The following HSD17B11 variants were observed in gnomAD, a reference collection of about 807,000 sequenced individuals.
HSD17B11 encodes the protein estradiol 17-beta-dehydrogenase 11.
A neutral mutation model predicts 27.8 loss-of-function variants in HSD17B11; 22 were observed. The observed-to-expected ratio is 0.79, with a 90% CI of 0.56 to 1.13. The LOEUF is 1.13. HSD17B11 is among the 50% of genes most tolerant of loss of function. The pLI is 0.00. For missense variants in HSD17B11, 314 were observed against 351.1 expected, an observed-to-expected ratio of 0.89 and a Z score of 0.84; for synonymous variants, 117 against 132.8, an observed-to-expected ratio of 0.88 and a Z score of 0.82.
At chr4:87,339,176 A>G (rs1735117353) in intron 6 of HSD17B11, among the ~76,000 whole-genome samples, 1 of 152,214 alleles carries the variant, frequency 6.6e-6, no homozygotes, top group Admixed American at 6.5e-5. Context: ...AGGGGCTGCG[A>G]TCACTGAGTG....
chr4:87,383,478 A>G lies in HSD17B11; in HGVS notation c.211-1116T>C, dbSNP rs114135223. ...GAGGAAAGAATATCCTTTAAAATAT[A>G]TGTTTAGAAGGTAAAATCAGTAAGA... is the stretch of plus-strand genomic sequence containing the variant. On this transcript the variant is annotated intron_variant, in intron 1 of 6. Coordinates refer to ENST00000358290, the MANE Select transcript of HSD17B11 (RefSeq NM_016245.5). Among the ~76,000 whole-genome samples, 1,020 of 152,268 alleles carry G rather than the reference A, an allele frequency of 6.7e-3. 13 individuals are homozygous for G. The highest frequency in any genetic ancestry group is 0.024 in the African/African-American group (996 of 41,536).
chr4:87,376,759 G>T (rs1472966308), intron 2 of HSD17B11, among the ~76,000 whole-genome samples: 2 of 152,140 alleles, frequency 1.3e-5, no homozygotes, highest in African/African-American at 2.4e-5. Context: ...TTGGTGAAAT[G>T]ATTTCAGTTG....
intron 4 of HSD17B11, among the ~76,000 whole-genome samples, chr4:87,370,287 G>A (rs11737402): frequency 0.16 from 24,091 of 152,136 alleles, 2,059 homozygotes; most frequent in Admixed American, 0.19. Context: ...AACAGGAAGT[G>A]GAATTGAAAT....
chr4:87,380,726 C>G (rs1480508976), intron 2 of HSD17B11, among the ~76,000 whole-genome samples: 1 of 151,348 alleles, frequency 6.6e-6, no homozygotes, highest in African/African-American at 2.4e-5. Context: ...AGCGTGGTGA[C>G]GGGCGCCTGT....
chr4:87,356,027 T>C lies in HSD17B11; in HGVS notation c.695+1252A>G, dbSNP rs555449037. 1.2e-4 allele frequency among the ~76,000 whole-genome samples: 18 copies of C among 152,308 alleles called. No individual in the cohort carries two copies. In the South Asian group the frequency reaches 3.3e-3, roughly 28 times the overall value. On this transcript the variant is annotated intron_variant, in intron 5 of 6. Coordinates refer to ENST00000358290, the MANE Select transcript of HSD17B11 (RefSeq NM_016245.5). The stretch of plus-strand genomic sequence containing the variant: ...GGAAGTGCAATGTCCAAAAATCATA[T>C]GCGAACATGAATGTAGCTAGTCATC...
chr4:87,372,719 G>A lies in HSD17B11; in HGVS notation c.547C>T (p.Leu183=). Reference sequence around the variant, plus strand: ...CACATGTTCACATACCAGTAAGCCAGTAAGAAGGGGACCGAGACATGTCCA... The same window carrying A: ...CACATGTTCACATACCAGTAAGCCAATAAGAAGGGGACCGAGACATGTCCA... The part of the protein sequence containing the change: ...AAGHVSVPFL[L]AYCSSKFAAV... The change falls in exon 4 of 7, where the codon CTG becomes TTG. Residue 183 remains leucine, a synonymous_variant. Transcript: ENST00000358290. 1 of 1,605,154 alleles carries A rather than the reference G, an allele frequency of 6.2e-7. No homozygotes were observed. Among genetic ancestry groups the A allele is most frequent in the East Asian group, 2.2e-5 (1 of 44,862 alleles).
At chr4:87,355,261 TTAAC>T (rs1293412360) in intron 5 of HSD17B11, among the ~76,000 whole-genome samples, 1 of 152,150 alleles carries the variant, frequency 6.6e-6, no homozygotes, top group Non-Finnish European at 1.5e-5. Flanking sequence ...AGAAAACTCA[TTAAC>T]TATTTGGAAA....
At chr4:87,361,204 C>T (rs1289381921) in intron 4 of HSD17B11, among the ~76,000 whole-genome samples, 1 of 152,058 alleles carries the variant, frequency 6.6e-6, no homozygotes, top group African/African-American at 2.4e-5. Context: ...ATAAAGGAGC[C>T]ACCAAAACCA....
At chr4:87,363,792 A>T (rs1735567247) in intron 4 of HSD17B11, among the ~76,000 whole-genome samples, 1 of 152,228 alleles carries the variant, frequency 6.6e-6, no homozygotes, top group Admixed American at 6.5e-5. Context: ...TCACAGTGGC[A>T]GTCTAGGTTC....
chr4:87,382,406 C>A, intron 1 of HSD17B11, 44 bp from the exon 2 acceptor site: 1 of 1,101,702 alleles, frequency 9.1e-7, no homozygotes, highest in Non-Finnish European at 1.4e-6. Flanking sequence ...TTGATATGAA[C>A]ATATTATATC....
intron 5 of HSD17B11, among the ~76,000 whole-genome samples, chr4:87,355,228 A>C (rs1560760435): frequency 6.6e-6 from 1 of 152,188 alleles, no homozygotes; most frequent in Admixed American, 6.5e-5. Flanking sequence ...GAGGAAAATG[A>C]TGTATTATTT....
chr4:87,384,645 C>A (rs531581702), intron 1 of HSD17B11, among the ~76,000 whole-genome samples: 2 of 152,034 alleles, frequency 1.3e-5, no homozygotes, highest in Non-Finnish European at 2.9e-5. Flanking sequence ...GACTGAGATA[C>A]GCCCTGGTCT....
At chr4:87,354,390 T>A (rs999575591) in intron 5 of HSD17B11, among the ~76,000 whole-genome samples, 2 of 151,864 alleles carry the variant, frequency 1.3e-5, no homozygotes, top group Admixed American at 1.3e-4. Context: ...GAGGCTGAAG[T>A]TGGGAGAATG....
In HSD17B11 at chr4:87,378,944, ATATTTATATATATATATTTTT is replaced by A. The variant is rs1560769640; in HGVS notation, c.318+3290_318+3310del. Among the ~76,000 whole-genome samples the A allele has an allele frequency of 6.2e-4, 12 of 19,380 alleles. 1 individual carries two copies. Among genetic ancestry groups the A allele is most frequent in the African/African-American group, 1.9e-3 (7 of 3,674 alleles). 12.7% of individuals were successfully genotyped at this position (19,380 alleles called of 152,430 possible). A position where few individuals can be genotyped will look rare whatever the true frequency, so the allele number is the denominator to read the frequency against. On this transcript the variant is annotated intron_variant, in intron 2 of 6. Transcript: ENST00000358290. ...AATATATATAAATATATATATATAT[ATATTTATATATATATATTTTT>A]TTTTTTTTTTGAGATGGTGTCTTGC...
chr4:87,384,719 A>G (rs1274127174), intron 1 of HSD17B11, among the ~76,000 whole-genome samples: 1 of 151,892 alleles, frequency 6.6e-6, no homozygotes, highest in Non-Finnish European at 1.5e-5. Context: ...CTGTGGTCAG[A>G]CCGGTTCTCT....
chr4:87,377,619 C>T (rs1735858385), intron 2 of HSD17B11, among the ~76,000 whole-genome samples: 1 of 152,052 alleles, frequency 6.6e-6, no homozygotes, highest in South Asian at 2.1e-4. Context: ...GATTGGAGTA[C>T]CATAATTCCA....
At chr4:87,389,807 G>T (rs1036087550) in intron 1 of HSD17B11, among the ~76,000 whole-genome samples, 14 of 152,070 alleles carry the variant, frequency 9.2e-5, no homozygotes, top group African/African-American at 3.4e-4. Flanking sequence ...CAAATAAAAG[G>T]TTGGATTCTA....
At chr4:87,372,174 C>T (rs1410345451) in intron 4 of HSD17B11, among the ~76,000 whole-genome samples, 5 of 144,916 alleles carry the variant, frequency 3.5e-5, no homozygotes, top group Non-Finnish European at 7.5e-5. Flanking sequence ...ACCCAGGAGG[C>T]GGAGCTTGCA....
chr4:87,358,153 G>A (rs1449325860), intron 4 of HSD17B11, among the ~76,000 whole-genome samples: 1 of 151,738 alleles, frequency 6.6e-6, no homozygotes, highest in African/African-American at 2.4e-5. Context: ...AGTAGAGACG[G>A]GTTTTCACCA....
Sources: gnomAD v4.1 joint callset for allele counts (sites outside exome capture counted in the v4.1 genomes callset) on GRCh38, gnomAD v4.1.1 for gene constraint, MANE v1.5 for transcripts, NCBI Gene and HGNC (gene_info 2026-07-23, HGNC 2026-07-21) for gene names.